PCDH15: variants seen among roughly 807,000 people sequenced by gnomAD.
The protein encoded by PCDH15 is protocadherin-15.
A neutral mutation model predicts 178.5 loss-of-function variants in PCDH15; 129 were observed. That is an observed-to-expected ratio of 0.72 (90% CI 0.63 to 0.84). The LOEUF is 0.84. Ranked by LOEUF, PCDH15 falls within the 40% of genes least tolerant of loss-of-function variation. The pLI is 0.00. For missense variants in PCDH15, 2,230 were observed against 2,099.9 expected (o/e 1.06, Z -1.21); for synonymous variants, 800 against 732.0 (o/e 1.09, Z -1.50).
chr10:54,795,879 A>T (rs1466622275), intron 1 of PCDH15, among the ~76,000 whole-genome samples: 2 of 151,898 alleles, frequency 1.3e-5, no homozygotes, highest in African/African-American at 4.8e-5. Flanking sequence ...GATGTCAAGG[A>T]TGATGATGAT....
At chr10:55,465,319 C>T (rs1254224429) in intron 2 of PCDH15, among the ~76,000 whole-genome samples, 1 of 152,018 alleles carries the variant, frequency 6.6e-6, no homozygotes, top group East Asian at 1.9e-4. Flanking sequence ...TATTGTGGAA[C>T]CTGTTTAATA....
intron 5 of PCDH15, among the ~76,000 whole-genome samples, chr10:54,351,941 G>A (rs981060905): frequency 2.6e-5 from 4 of 152,246 alleles, no homozygotes; most frequent in South Asian, 4.1e-4. Flanking sequence ...TCACGAAACC[G>A]ATGGTATGCT....
chr10:54,150,982 A>G (rs1341043891), intron 14 of PCDH15, among the ~76,000 whole-genome samples: 1 of 152,190 alleles, frequency 6.6e-6, no homozygotes, highest in Non-Finnish European at 1.5e-5. Flanking sequence ...AATAGGAGCT[A>G]TAGTAAGATC....
At chr10:54,549,172 G>GT (rs1181545167) in intron 2 of PCDH15, among the ~76,000 whole-genome samples, 1 of 151,106 alleles carries the variant, frequency 6.6e-6, no homozygotes, top group Non-Finnish European at 1.5e-5. Flanking sequence ...GATACTTTAT[G>GT]TTTTTTATTA....
chr10:54,495,986 C>A (rs1475678803), intron 3 of PCDH15, among the ~76,000 whole-genome samples: 3 of 152,044 alleles, frequency 2.0e-5, no homozygotes, highest in African/African-American at 7.2e-5. Flanking sequence ...GGGTAAAATT[C>A]TGGACTTCAA....
chr10:54,878,306 A>G (rs774752848), intron 3 of PCDH15, among the ~76,000 whole-genome samples: 2 of 152,164 alleles, frequency 1.3e-5, no homozygotes, highest in Non-Finnish European at 2.9e-5. Context: ...AACTTTAGGG[A>G]AAATTATTTA....
chr10:54,700,953 C>T lies in PCDH15; in HGVS notation c.-28-36663G>A, dbSNP rs546351651. ...AAAATGAAAGAAAAAATGTTAAATG[C>T]TGCTAGAAAGAGGCAGCAAGTCACC... On this transcript the variant is annotated intron_variant, in intron 1 of 37. Coordinates refer to ENST00000644397, the MANE Select transcript of PCDH15 (RefSeq NM_001384140.1). Among the ~76,000 whole-genome samples the T allele has an allele frequency of 9.9e-5, 15 of 152,158 alleles. No homozygotes were observed. In the East Asian group the frequency reaches 2.1e-3, roughly 22 times the overall value.
chr10:55,322,374 G>A (rs985511152), upstream of PCDH15, among the ~76,000 whole-genome samples: 1 of 152,154 alleles, frequency 6.6e-6, no homozygotes, highest in Non-Finnish European at 1.5e-5. Flanking sequence ...AAAACAGTAA[G>A]TTGGTACTGG....
chr10:54,481,199 C>A (rs2078692654), intron 3 of PCDH15, among the ~76,000 whole-genome samples: 2 of 151,734 alleles, frequency 1.3e-5, no homozygotes, highest in Admixed American at 1.3e-4. Flanking sequence ...TTTATATTAG[C>A]CTAAATACAT....
chr10:55,583,048 C>T (rs1006718137), intron 2 of PCDH15, among the ~76,000 whole-genome samples: 4 of 152,056 alleles, frequency 2.6e-5, no homozygotes, highest in Non-Finnish European at 5.9e-5. Context: ...TTCATAACAT[C>T]AAGATTTATT....
intron 1 of PCDH15, among the ~76,000 whole-genome samples, chr10:55,183,598 GA>G (rs1564871429): frequency 6.6e-6 from 1 of 150,936 alleles, no homozygotes; most frequent in Non-Finnish European, 1.5e-5. Flanking sequence ...CCAAAAACAA[GA>G]AAAAAATTAA....
intron 3 of PCDH15, among the ~76,000 whole-genome samples, chr10:54,843,794 C>A (rs1285596862): frequency 6.6e-6 from 1 of 151,946 alleles, no homozygotes; most frequent in Non-Finnish European, 1.5e-5. Context: ...AATTTCTGAA[C>A]AGTTCCCTGA....
chr10:55,185,535 G>C (rs1839773601), intron 1 of PCDH15, among the ~76,000 whole-genome samples: 1 of 151,696 alleles, frequency 6.6e-6, no homozygotes, highest in Admixed American at 6.6e-5. Context: ...AGAAATATCA[G>C]TATATCTCTA....
intron 1 of PCDH15, among the ~76,000 whole-genome samples, chr10:55,167,945 A>G (rs773431163): frequency 2.0e-5 from 3 of 152,138 alleles, no homozygotes; most frequent in Non-Finnish European, 2.9e-5. Context: ...AAATTTTAAA[A>G]TACTTTCTTT....
intron 3 of PCDH15, among the ~76,000 whole-genome samples, chr10:54,861,609 T>C (rs1412773788): frequency 6.6e-6 from 1 of 152,020 alleles, no homozygotes; most frequent in Admixed American, 6.6e-5. Flanking sequence ...TGGAGAAAAG[T>C]TTAAAGTATT....
chr10:55,434,883 G>A (rs915881033), intron 2 of PCDH15, among the ~76,000 whole-genome samples: 5 of 152,218 alleles, frequency 3.3e-5, no homozygotes, highest in Admixed American at 6.5e-5. Context: ...GGTTACAGGC[G>A]TGAGCCACCA....
In PCDH15 at chr10:54,533,097, G is replaced by C. The variant is rs2084103300; in HGVS notation, c.92-5220C>G. 2.0e-5 allele frequency among the ~76,000 whole-genome samples: 3 copies of C among 152,078 alleles called. No homozygotes were observed. In the South Asian group the frequency reaches 6.2e-4, roughly 32 times the overall value. On this transcript the variant is annotated intron_variant, in intron 2 of 37. Coordinates refer to ENST00000644397, the MANE Select transcript of PCDH15 (RefSeq NM_001384140.1). The stretch of plus-strand genomic sequence containing the variant: ...TTAATCTTTCTTAAATGCATGTATA[G>C]CTCACATTTACTTCAATATTTAATA...
intron 8 of PCDH15, among the ~76,000 whole-genome samples, chr10:54,247,356 G>A (rs2056049870): frequency 6.6e-6 from 1 of 151,836 alleles, no homozygotes; most frequent in African/African-American, 2.4e-5. Context: ...ATATCTGTAG[G>A]ACCAGACAGT....
At chr10:53,999,137 C>T (rs962179047) in intron 20 of PCDH15, among the ~76,000 whole-genome samples, 4 of 151,466 alleles carry the variant, frequency 2.6e-5, no homozygotes, top group Admixed American at 6.6e-5. Context: ...TATGAGGAGA[C>T]ACAGACAGTA....
Sources: gnomAD v4.1 joint callset for allele counts (sites outside exome capture counted in the v4.1 genomes callset) on GRCh38, gnomAD v4.1.1 for gene constraint, MANE v1.5 for transcripts, NCBI Gene and HGNC (gene_info 2026-07-23, HGNC 2026-07-21) for gene names.